The following ZRANB3 variants were observed in gnomAD, a reference collection of about 807,000 sequenced individuals.
ZRANB3 encodes zinc finger RANBP2-type containing 3, also known as DNA annealing helicase and endonuclease ZRANB3.
A neutral mutation model predicts 133.8 loss-of-function variants in ZRANB3; 125 were observed. The ratio of observed to expected loss-of-function variants is 0.93; its 90% CI spans 0.81 to 1.08. ZRANB3 has a LOEUF of 1.08. Among genes scored for constraint, ZRANB3 ranks in the 50% least tolerant of loss-of-function variants. ZRANB3 has a pLI of 0.00. For missense variants in ZRANB3, 1,229 were observed against 1,275.5 expected, an observed-to-expected ratio of 0.96 and a Z score of 0.56; for synonymous variants, 387 against 432.7, an observed-to-expected ratio of 0.89 and a Z score of 1.31.
intron 12 of ZRANB3, among the ~76,000 whole-genome samples, chr2:135,245,111 T>C (rs1442923277): frequency 6.6e-6 from 1 of 152,232 alleles, no homozygotes; most frequent in Non-Finnish European, 1.5e-5. Flanking sequence ...GCAATGACTA[T>C]GGCTAATGTT....
At chr2:135,497,131 G>A (rs1346841798) in intron 2 of ZRANB3, among the ~76,000 whole-genome samples, 1 of 152,100 alleles carries the variant, frequency 6.6e-6, no homozygotes, top group African/African-American at 2.4e-5. Flanking sequence ...TCATATTCAT[G>A]GAATGAAATA....
At chr2:135,345,930 C>T (rs1407650253) in intron 5 of ZRANB3, among the ~76,000 whole-genome samples, 1 of 152,096 alleles carries the variant, frequency 6.6e-6, no homozygotes, top group Non-Finnish European at 1.5e-5. Context: ...GTCTCAGACA[C>T]TTAAATTACA....
At chr2:135,233,949 A>C (rs1430853213) in intron 12 of ZRANB3, among the ~76,000 whole-genome samples, 1 of 152,216 alleles carries the variant, frequency 6.6e-6, no homozygotes, top group Non-Finnish European at 1.5e-5. Flanking sequence ...AACAGTAATA[A>C]CCTTAAATGT....
At chr2:135,440,399 T>A (rs1263554916) in intron 2 of ZRANB3, among the ~76,000 whole-genome samples, 2 of 150,846 alleles carry the variant, frequency 1.3e-5, no homozygotes, top group African/African-American at 4.9e-5. Flanking sequence ...GAAGGCTCTG[T>A]CTAAAAAAAA....
chr2:135,353,653 TA>T, intron 3 of ZRANB3, 25 bp from the exon 4 acceptor site: 1 of 1,352,128 alleles, frequency 7.4e-7, no homozygotes, highest in African/African-American at 1.5e-5. Flanking sequence ...AAATAAATGT[TA>T]ATAATAGAGC....
chr2:135,375,091 C>G (rs1188490078), intron 3 of ZRANB3, among the ~76,000 whole-genome samples: 1 of 152,108 alleles, frequency 6.6e-6, no homozygotes, highest in African/African-American at 2.4e-5. Flanking sequence ...TCTTTCACTG[C>G]TAATGGAAAT....
intron 3 of ZRANB3, among the ~76,000 whole-genome samples, chr2:135,377,389 A>T (rs1375789554): frequency 6.6e-6 from 1 of 152,206 alleles, no homozygotes; most frequent in Non-Finnish European, 1.5e-5. Context: ...TCATTCTAGT[A>T]TCGATCTTCA....
At chr2:135,469,789 G>C (rs772277991) in intron 2 of ZRANB3, among the ~76,000 whole-genome samples, 3 of 151,866 alleles carry the variant, frequency 2.0e-5, no homozygotes, top group Non-Finnish European at 2.9e-5. Flanking sequence ...GAGGCAGGTG[G>C]ATCATGAGGT....
intron 4 of ZRANB3, among the ~76,000 whole-genome samples, chr2:135,352,279 C>A (rs1685240435): frequency 6.6e-6 from 1 of 151,758 alleles, no homozygotes; most frequent in African/African-American, 2.4e-5. Flanking sequence ...TTGCAGTGAG[C>A]CGACATGGTG....
intron 2 of ZRANB3, among the ~76,000 whole-genome samples, chr2:135,501,154 A>C (rs1474961648): frequency 4.6e-5 from 7 of 152,182 alleles, no homozygotes; most frequent in Admixed American, 3.3e-4. Context: ...CAGATGATGC[A>C]CAAAGGAACA....
intron 3 of ZRANB3, among the ~76,000 whole-genome samples, chr2:135,369,646 C>A (rs73956974): frequency 0.1 from 15,835 of 151,920 alleles, 1,091 homozygotes; most frequent in South Asian, 0.32. Context: ...TTTGTAAAGC[C>A]GAAAAAGTGA....
At chr2:135,274,523 G>A (rs984019252) in intron 9 of ZRANB3, among the ~76,000 whole-genome samples, 2 of 151,864 alleles carry the variant, frequency 1.3e-5, no homozygotes, top group Non-Finnish European at 2.9e-5. Context: ...ACTCTAAAAC[G>A]GTATATCCAG....
chr2:135,289,727 A>AC (rs926726517), intron 8 of ZRANB3, among the ~76,000 whole-genome samples: 1 of 151,980 alleles, frequency 6.6e-6, no homozygotes, highest in South Asian at 2.1e-4. Flanking sequence ...ATATAGTGAG[A>AC]CCCCATCTCT....
At chr2:135,479,898 T>C (rs1691685919) in intron 2 of ZRANB3, among the ~76,000 whole-genome samples, 1 of 151,978 alleles carries the variant, frequency 6.6e-6, no homozygotes, top group East Asian at 1.9e-4. Flanking sequence ...TTGTAACTTA[T>C]CTCTTTTGGT....
At chr2:135,232,798 C>T (rs1695095401) in intron 12 of ZRANB3, among the ~76,000 whole-genome samples, 1 of 152,170 alleles carries the variant, frequency 6.6e-6, no homozygotes, top group Non-Finnish European at 1.5e-5. Context: ...ATCTATACAT[C>T]ACCATCATCA....
At chr2:135,418,191 T>G (rs116470115) in intron 2 of ZRANB3, among the ~76,000 whole-genome samples, 2,276 of 152,274 alleles carry the variant, frequency 0.015, 26 homozygotes, top group Middle Eastern at 0.031. Context: ...TACATAGCAT[T>G]TACATTGTAT....
At chr2:135,458,199 A>G (rs561366065) in intron 2 of ZRANB3, among the ~76,000 whole-genome samples, 19 of 152,262 alleles carry the variant, frequency 1.2e-4, no homozygotes, top group Middle Eastern at 3.4e-3. Flanking sequence ...TCAACTGACC[A>G]TAAATGTATG....
At chr2:135,265,469 T>C (rs1680186143) in intron 12 of ZRANB3, 65 bp downstream of exon 12, 3 of 1,459,714 alleles carry the variant, frequency 2.1e-6, no homozygotes. Flanking sequence ...TTTAAAACCA[T>C]ACATACAAAG....
intron 2 of ZRANB3, among the ~76,000 whole-genome samples, chr2:135,498,237 C>T (rs747688055): frequency 4.6e-5 from 7 of 152,114 alleles, no homozygotes; most frequent in South Asian, 2.1e-4. Flanking sequence ...TAGTATGTTG[C>T]GGGAAGTCAG....
Sources: allele counts gnomAD v4.1 joint callset (sites outside exome capture counted in the v4.1 genomes callset), GRCh38; gene constraint gnomAD v4.1.1; transcripts MANE v1.5; gene names NCBI Gene and HGNC (gene_info 2026-07-23, HGNC 2026-07-21).